HHAT: variants seen among roughly 807,000 people sequenced by gnomAD.
HHAT encodes the protein hedgehog acyltransferase.
A neutral mutation model predicts 70.8 loss-of-function variants in HHAT; 47 were observed. The ratio of observed to expected loss-of-function variants is 0.66; its 90% CI spans 0.53 to 0.85. The LOEUF (loss-of-function observed/expected upper bound fraction) is 0.85, where lower values mean the gene tolerates loss of function less well. Among genes scored for constraint, HHAT ranks in the 40% least tolerant of loss-of-function variants. The pLI is 0.00. For synonymous variants in HHAT, 228 were observed against 247.6 expected (o/e 0.92, Z 0.74); for missense variants, 609 against 604.8 (o/e 1.01, Z -0.07).
At chr1:210,590,335 T>C (rs1256973495) in intron 10 of HHAT, 1 of 152,078 alleles carries the variant, frequency 6.6e-6, no homozygotes, top group Non-Finnish European at 1.5e-5. Context: ...AATGAAGACT[T>C]ACTGGCTTTG....
At chr1:210,460,474 G>A (rs1358009747) in intron 7 of HHAT, among the ~76,000 whole-genome samples, 3 of 152,190 alleles carry the variant, frequency 2.0e-5, no homozygotes, top group Admixed American at 1.3e-4. Flanking sequence ...TTTGTTAAAT[G>A]TTCAATGAAT....
At chr1:210,618,094 GA>G (rs1668106830) in intron 10 of HHAT, among the ~76,000 whole-genome samples, 1 of 152,194 alleles carries the variant, frequency 6.6e-6, no homozygotes, top group Admixed American at 6.5e-5. Context: ...GAACATGAAA[GA>G]GGGGAAACTG....
intron 9 of HHAT, among the ~76,000 whole-genome samples, chr1:210,586,379 G>A (rs996475351): frequency 6.6e-6 from 1 of 152,188 alleles, no homozygotes; most frequent in African/African-American, 2.4e-5. Flanking sequence ...GTTTGAGGTT[G>A]TGGTAAGCTG....
At chr1:210,337,849 G>GTTCT (rs2085643002) in intron 1 of HHAT, among the ~76,000 whole-genome samples, 2 of 53,848 alleles carry the variant, frequency 3.7e-5, no homozygotes, top group African/African-American at 4.6e-4. Context: ...CCACAGAGGG[G>GTTCT]ATCTATTTTG....
At chr1:210,426,007 C>T (rs1459823080) in intron 7 of HHAT, among the ~76,000 whole-genome samples, 1 of 152,118 alleles carries the variant, frequency 6.6e-6, no homozygotes, top group Non-Finnish European at 1.5e-5. Flanking sequence ...TTTGTATCAT[C>T]TCTGGTTTCT....
intron 9 of HHAT, among the ~76,000 whole-genome samples, chr1:210,555,016 C>G (rs1284975210): frequency 6.6e-6 from 1 of 152,082 alleles, no homozygotes; most frequent in Admixed American, 6.5e-5. Context: ...TATTGGGCCT[C>G]CCGTGATAGA....
chr1:210,470,846 C>T (rs1163812928), intron 8 of HHAT, among the ~76,000 whole-genome samples: 1 of 152,272 alleles, frequency 6.6e-6, no homozygotes. Context: ...TAGCTGATGA[C>T]CTCTCTGTGC....
chr1:210,669,274 G>A (rs1476909685), intron 11 of HHAT, among the ~76,000 whole-genome samples: 1 of 152,128 alleles, frequency 6.6e-6, no homozygotes, highest in Non-Finnish European at 1.5e-5. Flanking sequence ...ATAACGCCAA[G>A]TAAAGTTATT....
At chr1:210,335,898 C>T (rs1404202894) in intron 1 of HHAT, among the ~76,000 whole-genome samples, 1 of 146,562 alleles carries the variant, frequency 6.8e-6, no homozygotes. Flanking sequence ...CTAATTGGTA[C>T]AGTGATAAGA....
chr1:210,561,512 G>A (rs115414371), intron 9 of HHAT, among the ~76,000 whole-genome samples: 251 of 152,238 alleles, frequency 1.6e-3, no homozygotes, highest in African/African-American at 5.8e-3. Flanking sequence ...TTTACGTGTG[G>A]CAAGTGCCCA....
At position 210,470,965 on chromosome 1, in the gene HHAT, A is replaced by G. The variant is rs141990763; in HGVS notation, c.1007+6310A>G. 1.1e-3 allele frequency among the ~76,000 whole-genome samples: 175 copies of G among 152,296 alleles called. 1 individual carries two copies. The highest frequency in any genetic ancestry group is 3.9e-3 in the African/African-American group (163 of 41,570). ...AATAGTCACACTCTACTTGGTTGCA[A>G]CCCATCAGCATATAAGCCCTTTGAA... On this transcript the variant is annotated intron_variant, in intron 8 of 11. Coordinates refer to ENST00000261458, the MANE Select transcript of HHAT (RefSeq NM_018194.6).
intron 11 of HHAT, among the ~76,000 whole-genome samples, chr1:210,633,456 A>G (rs1389404493): frequency 3.9e-5 from 6 of 152,202 alleles, no homozygotes; most frequent in African/African-American, 1.4e-4. Flanking sequence ...TGGTTCCTGG[A>G]GAGCCATTGT....
intron 6 of HHAT, among the ~76,000 whole-genome samples, chr1:210,408,222 G>A (rs1376917500): frequency 6.6e-6 from 1 of 152,118 alleles, no homozygotes; most frequent in Admixed American, 6.5e-5. Context: ...TGGCTCAGTT[G>A]CCCAGGCTGG....
chr1:210,601,959 AT>A (rs1664368348), intron 10 of HHAT, among the ~76,000 whole-genome samples: 1 of 48,764 alleles, frequency 2.1e-5, no homozygotes, highest in Admixed American at 2.4e-4. Flanking sequence ...GAGAGAGAGT[AT>A]GTGTGTGAGA....
At chr1:210,620,567 C>G (rs958120274) in intron 10 of HHAT, among the ~76,000 whole-genome samples, 4 of 152,050 alleles carry the variant, frequency 2.6e-5, no homozygotes, top group African/African-American at 9.7e-5. Flanking sequence ...ATTGGCATGG[C>G]TAGTTTTGTC....
intron 7 of HHAT, among the ~76,000 whole-genome samples, chr1:210,423,219 T>A (rs2092957314): frequency 6.6e-6 from 1 of 152,196 alleles, no homozygotes; most frequent in African/African-American, 2.4e-5. Flanking sequence ...CTCTTCATCC[T>A]CATCACCATT....
chr1:210,494,833 T>G (rs2094609434), intron 8 of HHAT, among the ~76,000 whole-genome samples: 2 of 152,142 alleles, frequency 1.3e-5, no homozygotes, highest in African/African-American at 4.8e-5. Flanking sequence ...ATTCCAGGCA[T>G]GAGCCACTGT....
intron 8 of HHAT, among the ~76,000 whole-genome samples, chr1:210,491,064 AGT>A (rs1553242999): frequency 5.0e-3 from 181 of 36,176 alleles, no homozygotes; most frequent in South Asian, 0.034. Context: ...ACACACACAT[AGT>A]GTGTGTGTGT....
At position 210,544,367 on chromosome 1, in the gene HHAT, G is replaced by GTT. The variant is rs569514246; in HGVS notation, c.1043+31202_1043+31203dup. On this transcript the variant is annotated intron_variant, in intron 9 of 11. Transcript: ENST00000261458. ...TTTTTTTCTTTTCTTTCTTTCTTTC[G>GTT]TTTTTTTTTTTTTTTTTTTTTTTTG... is the stretch of plus-strand genomic sequence containing the variant. Among the ~76,000 whole-genome samples, 176 of 90,036 alleles carry GTT rather than the reference G, an allele frequency of 2.0e-3. 2 individuals carry two copies. The highest frequency in any genetic ancestry group is 4.1e-3 in the African/African-American group (95 of 23,190). 59.1% of individuals were successfully genotyped at this position (90,036 alleles called of 152,430 possible). A position where few individuals can be genotyped will look rare whatever the true frequency, so the allele number is the denominator to read the frequency against.
Sources: allele counts gnomAD v4.1 joint callset (sites outside exome capture counted in the v4.1 genomes callset), GRCh38; gene constraint gnomAD v4.1.1; transcripts MANE v1.5; gene names NCBI Gene and HGNC (gene_info 2026-07-23, HGNC 2026-07-21).